TYK2: variants seen among roughly 807,000 people sequenced by gnomAD.
TYK2 encodes non-receptor tyrosine-protein kinase TYK2.
Under a neutral mutation model 130.9 loss-of-function variants are expected in TYK2, and 65 were observed. The ratio of observed to expected loss-of-function variants is 0.50; its 90% CI spans 0.41 to 0.61. The LOEUF is 0.61. Among genes scored for constraint, TYK2 ranks in the 20% least tolerant of loss-of-function variants. The pLI, the probability that TYK2 is intolerant of heterozygous loss-of-function variation, is 0.00. For synonymous variants in TYK2, 647 were observed against 658.9 expected (o/e 0.98, Z 0.28); for missense variants, 1,378 against 1,610.7 (o/e 0.86, Z 2.47).
chr19:10,378,576 G>A (rs1270795629), intron 2 of TYK2, 150 bp from the exon 3 acceptor site: 1 of 649,230 alleles, frequency 1.5e-6, no homozygotes, highest in Non-Finnish European at 2.7e-6. Flanking sequence ...CCCTCTCTGA[G>A]TCTCGTTTTC....
intron 24 of TYK2, 23 bp downstream of exon 24, chr19:10,351,029 G>A (rs1187544345): frequency 3.1e-6 from 5 of 1,614,058 alleles, no homozygotes; most frequent in Non-Finnish European, 4.2e-6. Context: ...AGTGGGGTCA[G>A]GGAAAGACAA....
chr19:10,362,105 G>A lies in TYK2; in HGVS notation c.1746C>T (p.His582=), dbSNP rs2041435424. 8 of 1,614,088 alleles carry A rather than the reference G, an allele frequency of 5.0e-6. No homozygotes were observed. The highest frequency in any genetic ancestry group is 5.1e-6 in the Non-Finnish European group (6 of 1,180,016). ...GGGTGATCTCCTTCTGGTCAACCCG[G>A]TGGAAGCTGAGCTGGCTGAGGTTGA... is the stretch of plus-strand genomic sequence containing the variant. The part of the protein sequence containing the change: ...RTLNLSQLSF[H]RVDQKEITQL... Residue 582 remains histidine (H), a synonymous_variant, in exon 12 of 25, where the codon CAC becomes CAT. Transcript: ENST00000525621.
In TYK2 at chr19:10,350,950, T is replaced by A; in HGVS notation, c.3448A>T (p.Asn1150Tyr). ...AAGGACGCCTCTGTCTCCCAGCAGT[T>A]CTTCATGAGATGATAGACCTAGAAG... Reference protein sequence around the residue: ...CPCEVYHLMKNCWETEASFRP... With the variant: ...CPCEVYHLMKYCWETEASFRP... The change falls in exon 25 of 25, where the codon AAC becomes TAC. Residue 1150 changes from asparagine (N) to tyrosine (Y), a missense_variant. Asn to Tyr is a moderately radical substitution (Grantham distance 143). Transcript: ENST00000525621. 1.2e-6 allele frequency: 2 copies of A among 1,614,188 alleles called. No homozygotes were observed. Among genetic ancestry groups the A allele is most frequent in the South Asian group, 2.2e-5 (2 of 91,088 alleles).
intron 3 of TYK2, among the ~76,000 whole-genome samples, chr19:10,377,040 T>C (rs1185801503): frequency 6.6e-6 from 1 of 152,112 alleles, no homozygotes; most frequent in African/African-American, 2.4e-5. Context: ...TTGCTGGGAC[T>C]ACAGGCATGT....
chr19:10,368,638 A>G, intron 3 of TYK2: 1 of 567,690 alleles, frequency 1.8e-6, no homozygotes, highest in South Asian at 1.9e-5. Flanking sequence ...TGCAGCTAGG[A>G]TGGAGCCAAT....
chr19:10,376,339 G>C (rs1221821083), intron 3 of TYK2, among the ~76,000 whole-genome samples: 1 of 112,938 alleles, frequency 8.9e-6, no homozygotes, highest in African/African-American at 3.8e-5. Flanking sequence ...ACGGAGTCTA[G>C]CTCTGTCACC....
At chr19:10,374,401 T>G (rs1376447252) in intron 3 of TYK2, among the ~76,000 whole-genome samples, 1 of 150,576 alleles carries the variant, frequency 6.6e-6, no homozygotes, top group Non-Finnish European at 1.5e-5. Flanking sequence ...CTGGCCAACA[T>G]GGTGAAACCC....
chr19:10,368,553 G>A, intron 3 of TYK2, 135 bp from the exon 4 acceptor site: 4 of 1,350,504 alleles, frequency 3.0e-6, no homozygotes, highest in Non-Finnish European at 4.1e-6. Flanking sequence ...GTCTCACGTT[G>A]CCCCTGGGCA....
In TYK2 at chr19:10,375,356, G is replaced by C. The variant is rs562221814; in HGVS notation, c.193+2858C>G. Among the ~76,000 whole-genome samples the C allele has an allele frequency of 1.5e-4, 23 of 150,714 alleles. No homozygotes were observed. The South Asian group carries it at 3.6e-3, about 24-fold the overall frequency. On this transcript the variant is annotated intron_variant, in intron 3 of 24. Coordinates refer to ENST00000525621, the MANE Select transcript of TYK2 (RefSeq NM_003331.5). ...TCCTTGGTTGGGCATGGTGGCTCAC[G>C]CCTGTAATCCCAGCACTTTGGGAGG... is the stretch of plus-strand genomic sequence containing the variant.
intron 3 of TYK2, among the ~76,000 whole-genome samples, chr19:10,374,677 G>A (rs1176880550): frequency 6.7e-6 from 1 of 149,516 alleles, no homozygotes; most frequent in African/African-American, 2.5e-5. Context: ...CAGCATGCAT[G>A]TTCAAGACCA....
intron 7 of TYK2, 57 bp from the exon 8 acceptor site, chr19:10,365,105 C>A: frequency 6.6e-7 from 1 of 1,506,882 alleles, no homozygotes; most frequent in Non-Finnish European, 8.9e-7. Context: ...TTTATACCTC[C>A]TGCACTTTCC....
At chr19:10,368,620 G>A in intron 3 of TYK2, 1 of 650,332 alleles carries the variant, frequency 1.5e-6, no homozygotes, top group Non-Finnish European at 2.6e-6. Context: ...ACATTTCCCA[G>A]CCTCCCTTGC....
In TYK2 at chr19:10,357,878, T is replaced by C; in HGVS notation, c.2352A>G (p.Leu784=). Residue 784 remains leucine, a synonymous_variant, in exon 17 of 25, where the codon CTA becomes CTG. Coordinates refer to ENST00000525621, the MANE Select transcript of TYK2 (RefSeq NM_003331.5). ...TGCTTAGGCTGTTGGCCCCACCTGG[T>C]AGGCATTCGGGGGCCAGCCAGGGGA... ...ERIPWLAPEC[L]PGGANSLSTA... is the part of the protein sequence containing the mutation. 1.2e-6 allele frequency: 2 copies of C among 1,613,474 alleles called. No homozygotes were observed. The highest frequency in any genetic ancestry group is 8.5e-7 in the Non-Finnish European group (1 of 1,180,014).
At chr19:10,356,425 G>A in intron 18 of TYK2, 143 bp downstream of exon 18, 1 of 980,092 alleles carries the variant, frequency 1.0e-6, no homozygotes, top group African/African-American at 1.6e-5. Flanking sequence ...CAGCCAGGCA[G>A]GGCATGCTTA....
intron 18 of TYK2, among the ~76,000 whole-genome samples, chr19:10,356,278 C>T (rs2041094469): frequency 6.6e-6 from 1 of 152,244 alleles, no homozygotes; most frequent in South Asian, 2.1e-4. Context: ...ACTTGGGAGG[C>T]TGAGGTGGGA....
chr19:10,375,639 G>A lies in TYK2; in HGVS notation c.193+2575C>T, dbSNP rs552000124. 1.3e-4 allele frequency among the ~76,000 whole-genome samples: 19 copies of A among 151,588 alleles called. No homozygotes were observed. In the South Asian group the frequency reaches 3.1e-3, roughly 25 times the overall value. On this transcript the variant is annotated intron_variant, in intron 3 of 24. Coordinates refer to ENST00000525621, the MANE Select transcript of TYK2 (RefSeq NM_003331.5). ...GTCATTAAAAAAAGAAAATTGGGCC[G>A]GGCATGGTGGCTCACACCTGTAATC...
chr19:10,351,857 AG>A (rs1271857866), intron 23 of TYK2, among the ~76,000 whole-genome samples: 1 of 151,696 alleles, frequency 6.6e-6, no homozygotes, highest in African/African-American at 2.4e-5. Context: ...TCCCTGCCTC[AG>A]CCGCCTGAGT....
At chr19:10,354,771 G>T (rs2041002768) in intron 18 of TYK2, among the ~76,000 whole-genome samples, 162 bp from the exon 19 acceptor site, 1 of 152,094 alleles carries the variant, frequency 6.6e-6, no homozygotes, top group South Asian at 2.1e-4. Context: ...TGTACAAAAT[G>T]ATGCAGAGTT....
intron 5 of TYK2, among the ~76,000 whole-genome samples, chr19:10,367,204 A>ACCAC (rs1409665516): frequency 6.6e-6 from 1 of 152,142 alleles, no homozygotes; most frequent in Non-Finnish European, 1.5e-5. Context: ...CCTGCGTCTT[A>ACCAC]CCACCTTGAG....
Sources: gnomAD v4.1 joint callset for allele counts (sites outside exome capture counted in the v4.1 genomes callset) on GRCh38, gnomAD v4.1.1 for gene constraint, MANE v1.5 for transcripts, NCBI Gene and HGNC (gene_info 2026-07-23, HGNC 2026-07-21) for gene names.